The following BSPH1 variants were observed in gnomAD, a reference collection of about 807,000 sequenced individuals.
BSPH1 encodes binder of sperm protein homolog 1.
BSPH1 carries 21 observed loss-of-function variants against 22.5 expected under a neutral mutation model. The ratio of observed to expected loss-of-function variants is 0.93; its 90% CI spans 0.66 to 1.35. The LOEUF (loss-of-function observed/expected upper bound fraction) is 1.35, where lower values mean the gene tolerates loss of function less well. Ranked by LOEUF, BSPH1 falls within the 40% of genes most tolerant of loss-of-function variation. The probability of loss-of-function intolerance (pLI) is 0.00; values close to 1 mark genes in which losing one functional copy is unlikely to be tolerated. For synonymous variants in BSPH1, 42 were observed against 53.6 expected (o/e 0.78, Z 0.95); for missense variants, 141 against 154.2 (o/e 0.91, Z 0.45).
chr19:47,991,319 C>A (rs570492092), intron 1 of BSPH1, among the ~76,000 whole-genome samples: 1 of 151,996 alleles, frequency 6.6e-6, no homozygotes, highest in Non-Finnish European at 1.5e-5. Flanking sequence ...GATTTTATAG[C>A]CCCTGGAACT....
chr19:47,984,089 C>T (rs1178545199), intron 1 of BSPH1, among the ~76,000 whole-genome samples: 2 of 150,422 alleles, frequency 1.3e-5, no homozygotes, highest in East Asian at 3.9e-4. Context: ...TCAGGTGATC[C>T]ACCCACCTCG....
intron 5 of BSPH1, among the ~76,000 whole-genome samples, chr19:47,975,687 G>A (rs1238150340): frequency 5.3e-5 from 7 of 131,400 alleles, no homozygotes; most frequent in South Asian, 2.3e-4. Context: ...ACGGAGTCTC[G>A]CTCTGACACC....
chr19:47,979,484 T>A, intron 3 of BSPH1, 86 bp downstream of exon 3: 1 of 682,364 alleles, frequency 1.5e-6, no homozygotes, highest in Non-Finnish European at 2.4e-6. Flanking sequence ...TGATTTTTTT[T>A]ACTGGAAAAA....
chr19:47,983,830 T>G (rs1969441584), intron 1 of BSPH1, among the ~76,000 whole-genome samples: 1 of 134,580 alleles, frequency 7.4e-6, no homozygotes, highest in Admixed American at 7.8e-5. Flanking sequence ...CCATAAGGGC[T>G]TTGAAGAGAA....
intron 1 of BSPH1, among the ~76,000 whole-genome samples, chr19:47,989,849 T>C (rs1220277490): frequency 6.6e-6 from 1 of 152,044 alleles, no homozygotes; most frequent in Non-Finnish European, 1.5e-5. Context: ...CTGTGTGCGG[T>C]GGCTCCTGCC....
chr19:47,975,944 C>T (rs1330274124), intron 5 of BSPH1, among the ~76,000 whole-genome samples: 4 of 152,114 alleles, frequency 2.6e-5, no homozygotes, highest in East Asian at 1.9e-4. Flanking sequence ...CGTGAGCCAC[C>T]GTGCCCGGCC....
chr19:47,979,779 C>T (rs551509801), intron 2 of BSPH1, among the ~76,000 whole-genome samples, 180 bp from the exon 3 acceptor site: 2 of 152,124 alleles, frequency 1.3e-5, no homozygotes, highest in Non-Finnish European at 2.9e-5. Context: ...TTTTTTTGCT[C>T]TTCAATATGA....
intron 1 of BSPH1, among the ~76,000 whole-genome samples, chr19:47,989,335 G>A (rs941506420): frequency 3.7e-4 from 56 of 151,660 alleles, no homozygotes; most frequent in African/African-American, 1.3e-3. Flanking sequence ...TAGTAGAGAC[G>A]GGGTTTCACC....
chr19:47,983,369 A>C (rs2122256751), intron 1 of BSPH1, among the ~76,000 whole-genome samples: 1 of 152,300 alleles, frequency 6.6e-6, no homozygotes, highest in Non-Finnish European at 1.5e-5. Context: ...GGGTTCATTC[A>C]GTATGCATTC....
Position 47,992,047 on chromosome 19 carries a change from G to A in BSPH1, c.35C>T (p.Thr12Met), listed in dbSNP as rs60213124. Reference sequence around the variant, plus strand: ...GAAGATGCAAGCTGAGGAATTTCGCGTCGTTTCCACGAAGAGAAGCATCAG... The same window carrying A: ...GAAGATGCAAGCTGAGGAATTTCGCATCGTTTCCACGAAGAGAAGCATCAG... ...GSLMLLFVET[T>M]RNSSACIFPV... Residue 12 changes from threonine to methionine, a missense_variant, in exon 1 of 6, where the codon ACG (threonine) becomes ATG (methionine). By Grantham distance (81) the Thr-to-Met change is moderately conservative (BLOSUM62 -1). Coordinates refer to ENST00000344839, the MANE Select transcript of BSPH1 (RefSeq NM_001128326.2). 0.19 allele frequency: 301,213 copies of A among 1,546,970 alleles called. 29,980 individuals are homozygous for A. Among genetic ancestry groups the A allele is most frequent in the East Asian group, 0.21 (8,500 of 40,712 alleles).
chr19:47,970,000 T>C (rs1568394594), intron 5 of BSPH1, among the ~76,000 whole-genome samples: 1 of 151,388 alleles, frequency 6.6e-6, no homozygotes, highest in Non-Finnish European at 1.5e-5. Flanking sequence ...CTTTAGAATT[T>C]ATGTTTGTGT....
In BSPH1 at chr19:47,992,093, G is replaced by A. The variant is rs1215273418; in HGVS notation, c.-12C>T. ...ATCAGGGAGCCCATGGGCAGTCACA[G>A]GCTTCCCGGTATCTCAGATCTTCCT... On this transcript the variant is annotated 5_prime_UTR_variant, in exon 1 of 6. Coordinates refer to ENST00000344839, the MANE Select transcript of BSPH1 (RefSeq NM_001128326.2). The A allele has an allele frequency of 1.9e-6, 3 of 1,549,894 alleles. No individual in the cohort carries two copies. Among genetic ancestry groups the A allele is most frequent in the Non-Finnish European group, 2.6e-6 (3 of 1,145,482 alleles).
chr19:47,974,771 T>G (rs1221335718), intron 5 of BSPH1, among the ~76,000 whole-genome samples: 1 of 122,444 alleles, frequency 8.2e-6, no homozygotes, highest in African/African-American at 3.3e-5. Flanking sequence ...GTTTCCAGTT[T>G]CCTCTAACTA....
chr19:47,969,339 T>C (rs1430639071), intron 5 of BSPH1, among the ~76,000 whole-genome samples: 1 of 152,178 alleles, frequency 6.6e-6, no homozygotes, highest in Admixed American at 6.5e-5. Context: ...TGAGATTCTA[T>C]TTTGTTTTGC....
chr19:47,971,750 T>A (rs1160983716), intron 5 of BSPH1, among the ~76,000 whole-genome samples: 2 of 152,196 alleles, frequency 1.3e-5, no homozygotes, highest in Non-Finnish European at 2.9e-5. Context: ...TGTCACTTAA[T>A]ATTTTATTGC....
chr19:47,991,197 GCCGACCACACCA>G (rs1966872270), intron 1 of BSPH1, among the ~76,000 whole-genome samples: 2 of 151,914 alleles, frequency 1.3e-5, no homozygotes, highest in Admixed American at 1.3e-4. Flanking sequence ...TAAATACAGC[GCCGACCACACCA>G]CCGACCACAC....
chr19:47,987,441 A>G lies in BSPH1; in HGVS notation c.73+4568T>C, dbSNP rs1226333502. Reference sequence around the variant, plus strand: ...CACTCTGTCACCCAGGTTGGAGTACAGTGGCGCTGTCATAGCTCACTGCAG... The same window carrying G: ...CACTCTGTCACCCAGGTTGGAGTACGGTGGCGCTGTCATAGCTCACTGCAG... On this transcript the variant is annotated intron_variant, in intron 1 of 5. Transcript: ENST00000344839. Among the ~76,000 whole-genome samples the G allele has an allele frequency of 2.7e-5, 4 of 149,668 alleles. No individual in the cohort carries two copies. The Admixed American group carries it at 2.7e-4, about 10-fold the overall frequency.
intron 1 of BSPH1, among the ~76,000 whole-genome samples, chr19:47,987,055 T>G (rs1295285135): frequency 1.3e-5 from 2 of 152,228 alleles, no homozygotes. Flanking sequence ...TACCAGTCAT[T>G]GGATTAGGGC....
At chr19:47,967,276 C>T (rs78926026), downstream of BSPH1, among the ~76,000 whole-genome samples, 2,091 of 152,294 alleles carry the variant, frequency 0.014, 37 homozygotes, top group African/African-American at 0.046. Flanking sequence ...CTTAGATGGC[C>T]TCCAGCTGCA....
Sources: allele counts gnomAD v4.1 joint callset (sites outside exome capture counted in the v4.1 genomes callset), GRCh38; gene constraint gnomAD v4.1.1; transcripts MANE v1.5; gene names NCBI Gene and HGNC (gene_info 2026-07-23, HGNC 2026-07-21).